Variants in MTMR3 observed in about 807,000 individuals in gnomAD.
The protein encoded by MTMR3 is myotubularin related protein 3.
In MTMR3, 32 loss-of-function variants were observed where a neutral mutation model predicts 132.4. The ratio of observed to expected loss-of-function variants is 0.24; its 90% CI spans 0.18 to 0.32. MTMR3 has a LOEUF of 0.32. MTMR3 is among the 10% of genes least tolerant of loss of function. The pLI is 1.00. For missense variants in MTMR3, 1,216 were observed against 1,489.6 expected (o/e 0.82, Z 3.02); for synonymous variants, 556 against 550.3 (o/e 1.01, Z -0.14).
chr22:29,994,103 A>C, intron 7 of MTMR3: 1 of 985,396 alleles, frequency 1.0e-6, no homozygotes, highest in Non-Finnish European at 1.2e-6. Flanking sequence ...AGTTCAATTC[A>C]GTAAATGTTT....
chr22:29,982,644 T>C lies in MTMR3; in HGVS notation c.210+3592T>C, dbSNP rs575570446. 8.5e-5 allele frequency: 13 copies of C among 152,302 alleles called. No homozygotes were observed. In the South Asian group the frequency reaches 2.7e-3, roughly 32 times the overall value. The allele number at this position is 152,302 out of a possible 1,614,324, so 9.4% of individuals were successfully genotyped here. On this transcript the variant is annotated intron_variant, in intron 5 of 19. Transcript: ENST00000401950. ...GATTTACCATCAAGTTTTAAATAGC[T>C]ACCTGATATCATATATTCTCTTTTA...
intron 1 of MTMR3, among the ~76,000 whole-genome samples, chr22:29,893,988 G>T (rs2064846074): frequency 6.6e-6 from 1 of 152,092 alleles, no homozygotes; most frequent in Non-Finnish European, 1.5e-5. Context: ...TGAGACTACA[G>T]GCAGAAGCCA....
rs114133092 is a variant in MTMR3, at chr22:29,944,186, C to T, written c.-137-12850C>T. Among the ~76,000 whole-genome samples the T allele has an allele frequency of 6.8e-3, 1,033 of 151,848 alleles. 12 individuals carry two copies. The highest frequency in any genetic ancestry group is 0.023 in the African/African-American group (960 of 41,430). On this transcript the variant is annotated intron_variant, in intron 1 of 19. Coordinates refer to ENST00000401950, the MANE Select transcript of MTMR3 (RefSeq NM_021090.4). The stretch of plus-strand genomic sequence containing the variant: ...GCCCAGAAGAGTGAGAACAGTGTTT[C>T]GTGGTTCCTTTTGAGACATTAATAT...
In MTMR3 at chr22:30,007,879, C is replaced by T. The variant is rs1360183387; in HGVS notation, c.878-22C>T. The T allele has an allele frequency of 2.5e-6, 4 of 1,612,580 alleles. No individual in the cohort carries two copies. In the South Asian group the frequency reaches 4.4e-5, roughly 18 times the overall value. On this transcript the variant is annotated intron_variant, in intron 10 of 19. Coordinates refer to ENST00000401950, the MANE Select transcript of MTMR3 (RefSeq NM_021090.4). The stretch of plus-strand genomic sequence containing the variant: ...GGGAGAGACAGGCTCATTTAGTATG[C>T]CCTCTCCCTCTGTGTCCCTAGATTC...
chr22:29,941,576 GTTTC>G lies in MTMR3; in HGVS notation c.-137-15456_-137-15453del, dbSNP rs750761914. Among the ~76,000 whole-genome samples the G allele has an allele frequency of 4.6e-4, 70 of 151,752 alleles. 1 individual carries two copies. Among genetic ancestry groups the G allele is most frequent in the Admixed American group, 6.5e-4 (10 of 15,268 alleles). The stretch of plus-strand genomic sequence containing the variant: ...TCCTCACCAACATTTGCTCTTGCCA[GTTTC>G]TTTAATTTTAGTTAGTTCAGTGGAT... On this transcript the variant is annotated intron_variant, in intron 1 of 19. Transcript: ENST00000401950.
At chr22:30,013,671 G>C in intron 14 of MTMR3, 130 bp downstream of exon 14, 1 of 892,140 alleles carries the variant, frequency 1.1e-6, no homozygotes. Context: ...TCCTGTTTCT[G>C]CTTTTTTTTT....
chr22:29,949,800 T>A (rs2066038523), intron 1 of MTMR3, among the ~76,000 whole-genome samples: 1 of 152,162 alleles, frequency 6.6e-6, no homozygotes, highest in Admixed American at 6.5e-5. Flanking sequence ...GTGTTAAAGA[T>A]AAAATTATGT....
intron 1 of MTMR3, among the ~76,000 whole-genome samples, chr22:29,906,164 G>A (rs6006300): frequency 0.35 from 53,534 of 151,908 alleles, 10,420 homozygotes; most frequent in East Asian, 0.71. Flanking sequence ...TGTTTTCAAA[G>A]TTCATAGGAA....
At chr22:29,985,552 G>A (rs1210789082) in intron 5 of MTMR3, 1 of 152,128 alleles carries the variant, frequency 6.6e-6, no homozygotes, top group Non-Finnish European at 1.5e-5. Context: ...GTGCTGAAGG[G>A]AAACACTGCA....
At position 29,933,232 on chromosome 22, in the gene MTMR3, TG is replaced by T. The variant is rs1409084822; in HGVS notation, c.-137-23803del. Among the ~76,000 whole-genome samples, 3 of 152,132 alleles carry T rather than the reference TG, an allele frequency of 2.0e-5. No homozygotes were observed. In the East Asian group the frequency reaches 5.8e-4, roughly 29 times the overall value. On this transcript the variant is annotated intron_variant, in intron 1 of 19. Coordinates refer to ENST00000401950, the MANE Select transcript of MTMR3 (RefSeq NM_021090.4). ...ATCCACCTGCCTCGGCCTCCCAAAGTGCTGGGATTACAGGTGGAGAGTTTAT... is the reference window on the plus strand; with the variant it reads ...ATCCACCTGCCTCGGCCTCCCAAAGTCTGGGATTACAGGTGGAGAGTTTAT...
chr22:30,019,608 T>C lies in MTMR3; in HGVS notation c.1949T>C (p.Leu650Pro), dbSNP rs941309560. The C allele has an allele frequency of 1.9e-6, 3 of 1,614,130 alleles. No homozygotes were observed. The highest frequency in any genetic ancestry group is 1.6e-4 in the Middle Eastern group (1 of 6,062). The stretch of plus-strand genomic sequence containing the variant: ...CAGGAGCACCGGCGCTCACTAGAGC[T>C]GAGCAGCCTGGCTGGCCCTGGAGAG... ...KWQEHRRSLELSSLAGPGEDP... is the reference protein window; with the variant it reads ...KWQEHRRSLEPSSLAGPGEDP... The change falls in exon 17 of 20, where the codon CTG becomes CCG. Residue 650 changes from leucine (L) to proline (P), a missense_variant. This residue lies in a region of MTMR3 where 852 missense variants were observed against 852.0 expected (regional missense o/e 1.00). Transcript: ENST00000401950.
At chr22:29,994,492 T>G (rs2067023728) in intron 7 of MTMR3, 1 of 151,742 alleles carries the variant, frequency 6.6e-6, no homozygotes, top group South Asian at 2.1e-4. Flanking sequence ...ATAGCATTAC[T>G]CATCAAATAT....
intron 5 of MTMR3, chr22:29,979,899 GTACATT>G: frequency 6.6e-6 from 1 of 152,312 alleles, no homozygotes; most frequent in South Asian, 2.1e-4. Context: ...ATTCTCAAGA[GTACATT>G]TACCCTTTTC....
chr22:29,980,351 C>G (rs757812648), intron 5 of MTMR3: 2 of 152,152 alleles, frequency 1.3e-5, no homozygotes, highest in Non-Finnish European at 2.9e-5. Flanking sequence ...GCAGTTACAT[C>G]AGTTTTCTGT....
In MTMR3 at chr22:30,029,475, G is replaced by GAA. The variant is rs2145998006; in HGVS notation, c.*3675_*3676dup. Reference sequence around the variant, plus strand: ...TGGTAGATCTAAAGGAGAATGAACAGAAGGTGCTGGAGGACCTGTTAAACA... The same window carrying GAA: ...TGGTAGATCTAAAGGAGAATGAACAGAAAAGGTGCTGGAGGACCTGTTAAACA... On this transcript the variant is annotated 3_prime_UTR_variant, in exon 20 of 20. Transcript: ENST00000401950. 1 of 152,392 alleles carries GAA rather than the reference G, an allele frequency of 6.6e-6. No individual in the cohort carries two copies. The highest frequency in any genetic ancestry group is 1.9e-4 in the East Asian group (1 of 5,320). 9.4% of individuals were successfully genotyped at this position (152,392 alleles called of 1,614,324 possible).
At chr22:29,959,701 G>C (rs2066271326) in intron 2 of MTMR3, among the ~76,000 whole-genome samples, 1 of 151,846 alleles carries the variant, frequency 6.6e-6, no homozygotes, top group African/African-American at 2.4e-5. Flanking sequence ...CATATTACTT[G>C]GCTCTGTAGC....
chr22:29,911,669 T>C (rs1475372686), intron 1 of MTMR3, among the ~76,000 whole-genome samples: 1 of 152,086 alleles, frequency 6.6e-6, no homozygotes, highest in Non-Finnish European at 1.5e-5. Context: ...GCTTTCTACG[T>C]ATTTAAAAAA....
chr22:29,922,876 C>T (rs543593520), intron 1 of MTMR3, among the ~76,000 whole-genome samples: 1 of 151,466 alleles, frequency 6.6e-6, no homozygotes, highest in Non-Finnish European at 1.5e-5. Flanking sequence ...ACTCACATTT[C>T]CCTAGTGACT....
chr22:29,975,025 G>A (rs995025639), intron 3 of MTMR3, among the ~76,000 whole-genome samples: 2 of 152,090 alleles, frequency 1.3e-5, no homozygotes, highest in Non-Finnish European at 2.9e-5. Flanking sequence ...GGAGAGCAGT[G>A]GTGCAATCAT....
Sources: allele counts gnomAD v4.1 joint callset (sites outside exome capture counted in the v4.1 genomes callset), GRCh38; gene constraint gnomAD v4.1.1; regional missense constraint gnomAD v4.1.1; transcripts MANE v1.5; gene names NCBI Gene and HGNC (gene_info 2026-07-23, HGNC 2026-07-21).